Variants in CHKB observed in about 807,000 individuals in gnomAD.
CHKB encodes the protein choline/ethanolamine kinase.
Under a neutral mutation model 57.3 loss-of-function variants are expected in CHKB, and 45 were observed. That is an observed-to-expected ratio of 0.79 (90% CI 0.62 to 1.01). CHKB has a LOEUF of 1.01. CHKB is among the 50% of genes least tolerant of loss of function. The pLI is 0.00. For missense variants in CHKB, 517 were observed against 502.8 expected (o/e 1.03, Z -0.27); for synonymous variants, 224 against 201.8 (o/e 1.11, Z -0.93).
At position 50,580,000 on chromosome 22, in the gene CHKB, T is replaced by C. The variant is rs1569052700; in HGVS notation, c.901A>G (p.Thr301Ala). ...TGCTGTTCTTGAGTGGGGTAGTCTG[T>C]GGGCCTTGCTTTGTAGAAAGGCCAT... Reference protein sequence around the residue: ...EEWPFYKARPTDYPTQEQQLH... With the variant: ...EEWPFYKARPADYPTQEQQLH... Residue 301 changes from threonine to alanine, a missense_variant, in exon 8 of 11, where the codon ACA (threonine) becomes GCA (alanine). Thr to Ala is a moderately conservative substitution (Grantham distance 58, BLOSUM62 0). Coordinates refer to ENST00000406938, the MANE Select transcript of CHKB (RefSeq NM_005198.5). The C allele has an allele frequency of 6.2e-7, 1 of 1,614,120 alleles. No individual in the cohort carries two copies.
chr22:50,580,227 T>C lies in CHKB; in HGVS notation c.781A>G (p.Met261Val), dbSNP rs2070656160. 6.2e-7 allele frequency: 1 copy of C among 1,613,970 alleles called. No homozygotes were observed. Among genetic ancestry groups the C allele is most frequent in the Non-Finnish European group, 8.5e-7 (1 of 1,179,974 alleles). Residue 261 changes from methionine to valine, a missense_variant, in exon 7 of 11, where the codon ATG becomes GTG. Met to Val is a conservative substitution (Grantham distance 21). Coordinates refer to ENST00000406938, the MANE Select transcript of CHKB (RefSeq NM_005198.5). ...CTGCTGTACTCGAAGTCCACCAGCATGAGGCTGTCAGCATTTTCTGGCTCT... is the reference window on the plus strand; with the variant it reads ...CTGCTGTACTCGAAGTCCACCAGCACGAGGCTGTCAGCATTTTCTGGCTCT... ...LSEPENADSLMLVDFEYSSYN... is the reference protein window; with the variant it reads ...LSEPENADSLVLVDFEYSSYN...
At chr22:50,581,908 G>A in intron 2 of CHKB, 46 bp from the exon 3 acceptor site, 3 of 1,538,988 alleles carry the variant, frequency 1.9e-6, no homozygotes, top group Non-Finnish European at 2.7e-6. Flanking sequence ...AGTGGCACAG[G>A]GACACACATG....
intron 5 of CHKB, 62 bp from the exon 6 acceptor site, chr22:50,580,478 C>T: frequency 6.2e-7 from 1 of 1,610,974 alleles, no homozygotes; most frequent in Non-Finnish European, 8.5e-7. Context: ...CAGAGCCACC[C>T]TAACAGGCCA....
chr22:50,580,453 T>G, intron 5 of CHKB, 37 bp from the exon 6 acceptor site: 2 of 1,612,664 alleles, frequency 1.2e-6, no homozygotes, highest in Non-Finnish European at 1.7e-6. Flanking sequence ...TGAGCAGGAG[T>G]GACTAGAGGA....
chr22:50,579,899 G>A, intron 8 of CHKB, 69 bp from the exon 9 acceptor site: 5 of 1,596,008 alleles, frequency 3.1e-6, no homozygotes, highest in East Asian at 4.5e-5. Flanking sequence ...CATCCTTTCC[G>A]GCCATTCCTT....
In CHKB at chr22:50,582,799, G is replaced by A. The variant is rs764836662; in HGVS notation, c.-18C>T. ...GCCGCCATGGCGCGGGCTCGACCGG[G>A]CCCCAGGCCAGGCTGCGCTCCGCTC... On this transcript the variant is annotated 5_prime_UTR_variant, in exon 1 of 11. Transcript: ENST00000406938. 5.8e-6 allele frequency: 9 copies of A among 1,548,010 alleles called. No individual in the cohort carries two copies. The highest frequency in any genetic ancestry group is 1.9e-5 in the Admixed American group (1 of 51,620).
chr22:50,578,990 T>C lies in CHKB; in HGVS notation c.*191A>G. ...GGAAGAAGAAGCTTGTTTATTGTGT[T>C]ACATACACAGCACGGGGCTCTGGCC... On this transcript the variant is annotated 3_prime_UTR_variant, in exon 11 of 11. Transcript: ENST00000406938. 1.5e-6 allele frequency: 1 copy of C among 652,386 alleles called. No individual in the cohort carries two copies. The highest frequency in any genetic ancestry group is 2.8e-6 in the Non-Finnish European group (1 of 358,266). 40.4% of individuals were successfully genotyped at this position (652,386 alleles called of 1,614,324 possible).
chr22:50,579,849 A>C lies in CHKB; in HGVS notation c.928-19T>G, dbSNP rs373763595. ...AATGCAACTACGATCAATGGCCAAG[A>C]GTCAGGAATTGGGGAGACTGTGGAG... On this transcript the variant is annotated intron_variant, in intron 8 of 10. Transcript: ENST00000406938. The C allele has an allele frequency of 1.2e-6, 2 of 1,610,390 alleles. No homozygotes were observed. The highest frequency in any genetic ancestry group is 1.7e-5 in the Admixed American group (1 of 60,002).
chr22:50,582,471 G>A (rs757247185), intron 1 of CHKB, 87 bp downstream of exon 1: 39 of 1,483,444 alleles, frequency 2.6e-5, no homozygotes, highest in Admixed American at 2.1e-5. Flanking sequence ...GCAAGAGGGG[G>A]GCGAAAACAT....
At position 50,582,576 on chromosome 22, in the gene CHKB, A is replaced by C. The variant is rs2070721406; in HGVS notation, c.206T>G (p.Leu69Arg). Residue 69 changes from leucine (L) to arginine (R), a missense_variant, in exon 1 of 11, where the codon CTG (leucine) becomes CGG (arginine). Physicochemically the swap from Leu to Arg is moderately radical, Grantham distance 102. Transcript: ENST00000406938. ...GAWRRVQPEELRVYPVSGGLS... is the reference protein window; with the variant it reads ...GAWRRVQPEERRVYPVSGGLS... The stretch of plus-strand genomic sequence containing the variant: ...CTCCCACCTCACGGGGTAAACCCTC[A>C]GCTCCTCGGGCTGCACTCGGCGCCA... The C allele has an allele frequency of 1.2e-6, 2 of 1,609,810 alleles. No individual in the cohort carries two copies. The highest frequency in any genetic ancestry group is 2.2e-5 in the South Asian group (2 of 90,766).
At chr22:50,580,444 G>C in intron 5 of CHKB, 28 bp from the exon 6 acceptor site, 1 of 1,613,552 alleles carries the variant, frequency 6.2e-7, no homozygotes, top group Non-Finnish European at 8.5e-7. Context: ...CATGGGTCCT[G>C]AGCAGGAGTG....
intron 10 of CHKB, 56 bp downstream of exon 10, chr22:50,579,370 G>C (rs1048320882): frequency 6.3e-7 from 1 of 1,587,704 alleles, no homozygotes; most frequent in Non-Finnish European, 8.6e-7. Context: ...GGAAGAGTGT[G>C]GCTGCTGCTG....
chr22:50,579,154 A>G lies in CHKB; in HGVS notation c.*27T>C, dbSNP rs371344816. The stretch of plus-strand genomic sequence containing the variant: ...AAGGTCCTGCCCTGGAGGCTCCAGG[A>G]GAAATCCAAGGAGTGGGAGGGTGGA... On this transcript the variant is annotated 3_prime_UTR_variant, in exon 11 of 11. Transcript: ENST00000406938. The G allele has an allele frequency of 6.2e-7, 1 of 1,603,810 alleles. No homozygotes were observed. Among genetic ancestry groups the G allele is most frequent in the African/African-American group, 1.3e-5 (1 of 74,698 alleles).
chr22:50,579,307 T>C, intron 10 of CHKB, 52 bp from the exon 11 acceptor site: 1 of 1,600,098 alleles, frequency 6.2e-7, no homozygotes, highest in Non-Finnish European at 8.5e-7. Context: ...GGGACCAGCA[T>C]TCTACATCCA....
rs1004350925 is a variant in CHKB at position 50,579,114 on chromosome 22, G to A, written c.*67C>T. On this transcript the variant is annotated 3_prime_UTR_variant, in exon 11 of 11. Coordinates refer to ENST00000406938, the MANE Select transcript of CHKB (RefSeq NM_005198.5). ...GCCCAGTCGCCAGGGCCTTCTGCTC[G>A]TTGTTCCTCCCTCCAAGGTCCTGCC... 1.3e-5 allele frequency: 20 copies of A among 1,487,178 alleles called. No individual in the cohort carries two copies. Among genetic ancestry groups the A allele is most frequent in the South Asian group, 7.1e-5 (6 of 84,996 alleles). The allele number at this position is 1,487,178 out of a possible 1,614,324, so 92.1% of individuals were successfully genotyped here.
In CHKB at chr22:50,581,447, G is replaced by T; in HGVS notation, c.554C>A (p.Pro185His). The change falls in exon 4 of 11, where the codon CCC becomes CAC. Residue 185 changes from proline (P) to histidine (H), a missense_variant. Pro to His is a moderately conservative substitution (Grantham distance 77, BLOSUM62 -2). Coordinates refer to ENST00000406938, the MANE Select transcript of CHKB (RefSeq NM_005198.5). ...CTCCATGGTCCCAAACAGCCAGTGG[G>T]GCTCCTTGGTGAAAGGCATCTCCAT... ...HGMEMPFTKE[P>H]HWLFGTMERY... 1.2e-6 allele frequency: 2 copies of T among 1,613,684 alleles called. No homozygotes were observed. The highest frequency in any genetic ancestry group is 1.7e-6 in the Non-Finnish European group (2 of 1,179,978).
chr22:50,582,489 C>A, intron 1 of CHKB, 69 bp downstream of exon 1: 8 of 1,520,066 alleles, frequency 5.3e-6, no homozygotes, highest in Non-Finnish European at 7.1e-6. Flanking sequence ...CATGGAGCAT[C>A]CTGAGGGCCC....
At chr22:50,581,631 G>T (rs900029985) in intron 3 of CHKB, 78 bp from the exon 4 acceptor site, 7 of 1,601,812 alleles carry the variant, frequency 4.4e-6, no homozygotes, top group African/African-American at 2.7e-5. Context: ...GGGGAAGTCA[G>T]GGTTTTGGGG....
rs894412168 is a variant in CHKB at position 50,582,244 on chromosome 22, C to T, written c.333+5G>A. 1 of 1,581,876 alleles carries T rather than the reference C, an allele frequency of 6.3e-7. No individual in the cohort carries two copies. Among genetic ancestry groups the T allele is most frequent in the African/African-American group, 1.3e-5 (1 of 74,460 alleles). ...CTGGTGCTGCGGCGCTCACACCCCC[C>T]TCACCTGCAAGATGGCTCCGTACAG... On this transcript the variant is annotated splice_donor_5th_base_variant and intron_variant, in intron 2 of 10. Coordinates refer to ENST00000406938, the MANE Select transcript of CHKB (RefSeq NM_005198.5).
Sources: allele counts gnomAD v4.1 joint callset, GRCh38; gene constraint gnomAD v4.1.1; transcripts MANE v1.5; gene names NCBI Gene and HGNC (gene_info 2026-07-23, HGNC 2026-07-21).